The following DNAH6 variants were observed in gnomAD, a reference collection of about 807,000 sequenced individuals.
DNAH6 encodes the protein dynein axonemal heavy chain 6.
In DNAH6, 340 loss-of-function variants were observed where a neutral mutation model predicts 491.4. The observed-to-expected ratio is 0.69, with a 90% CI of 0.63 to 0.76. The LOEUF (loss-of-function observed/expected upper bound fraction) is 0.76, where lower values mean the gene tolerates loss of function less well. DNAH6 is among the 30% of genes least tolerant of loss of function. DNAH6 has a pLI of 0.00. For synonymous variants in DNAH6, 1,603 were observed against 1,686.1 expected, an observed-to-expected ratio of 0.95 and a Z score of 1.21; for missense variants, 4,443 against 4,972.2, an observed-to-expected ratio of 0.89 and a Z score of 3.20.
intron 18 of DNAH6, among the ~76,000 whole-genome samples, chr2:84,604,005 T>G (rs1480061020): frequency 2.6e-5 from 4 of 152,190 alleles, no homozygotes; most frequent in African/African-American, 9.7e-5. Context: ...AGCGCTCTAT[T>G]TTTAAAATTT....
At chr2:84,812,257 C>A in intron 72 of DNAH6, 84 bp from the exon 73 acceptor site, 1 of 1,294,970 alleles carries the variant, frequency 7.7e-7, no homozygotes. Flanking sequence ...CCAGGCAAGG[C>A]AGCCCCTGCT....
chr2:84,783,487 T>C (rs183172582), intron 65 of DNAH6, among the ~76,000 whole-genome samples: 1 of 152,352 alleles, frequency 6.6e-6, no homozygotes, highest in East Asian at 1.9e-4. Flanking sequence ...TGGTTGTTGT[T>C]TGACTTCTTT....
At chr2:84,588,108 T>C (rs1008348367) in intron 15 of DNAH6, among the ~76,000 whole-genome samples, 1 of 152,188 alleles carries the variant, frequency 6.6e-6, no homozygotes, top group Non-Finnish European at 1.5e-5. Flanking sequence ...TCCCTGCATA[T>C]CATGCCAAGT....
intron 64 of DNAH6, among the ~76,000 whole-genome samples, chr2:84,774,587 G>T (rs139026192): frequency 3.2e-3 from 491 of 151,442 alleles, no homozygotes; most frequent in African/African-American, 0.011. Context: ...TAGTTTTGCA[G>T]TGATATGGGT....
chr2:84,781,223 T>A (rs1676662705), intron 64 of DNAH6, among the ~76,000 whole-genome samples: 1 of 152,224 alleles, frequency 6.6e-6, no homozygotes, highest in African/African-American at 2.4e-5. Flanking sequence ...ATGTCTCTAG[T>A]GTATCAGCAC....
chr2:84,710,460 C>T (rs1244517493), intron 56 of DNAH6, 48 bp downstream of exon 56: 1 of 1,539,300 alleles, frequency 6.5e-7, no homozygotes, highest in Middle Eastern at 1.9e-4. Flanking sequence ...ACTTTCAAAT[C>T]ATATCTGGAA....
Position 84,653,440 on chromosome 2 carries a change from A to G in DNAH6, c.5200A>G (p.Arg1734Gly). Residue 1734 changes from arginine (R) to glycine (G), a missense_variant, in exon 34 of 77, where the codon AGA becomes GGA. Coordinates refer to ENST00000389394, the MANE Select transcript of DNAH6 (RefSeq NM_001370.2). Reference sequence around the variant, plus strand: ...TCTTCAGCCTGAGATGTGTATGGTTAGAAAGGTGATACAGTTTTATGAAAC... The same window carrying G: ...TCTTCAGCCTGAGATGTGTATGGTTGGAAAGGTGATACAGTTTTATGAAAC... ...QNLQPEMCMV[R>G]KVIQFYETML... 3 of 1,551,216 alleles carry G rather than the reference A, an allele frequency of 1.9e-6. No individual in the cohort carries two copies. The highest frequency in any genetic ancestry group is 1.7e-4 in the Middle Eastern group (1 of 5,986).
intron 75 of DNAH6, among the ~76,000 whole-genome samples, 159 bp from the exon 76 acceptor site, chr2:84,815,702 C>G (rs1680422303): frequency 6.6e-6 from 1 of 152,162 alleles, no homozygotes; most frequent in African/African-American, 2.4e-5. Flanking sequence ...TTTTGCCTCT[C>G]AGAGCCTCAG....
the DNAH6 span, among the ~76,000 whole-genome samples, chr2:84,463,022 G>A: frequency 6.6e-6 from 1 of 152,318 alleles, no homozygotes; most frequent in East Asian, 1.9e-4. Flanking sequence ...GAGTTACAAG[G>A]AGGCCAGCCA....
intron 64 of DNAH6, among the ~76,000 whole-genome samples, chr2:84,780,673 G>A (rs1029467486): frequency 5.3e-5 from 8 of 152,154 alleles, no homozygotes; most frequent in Non-Finnish European, 1.0e-4. Flanking sequence ...TCTTTTAGAG[G>A]TAAGGAAACA....
chr2:84,590,376 T>C (rs2104117420), intron 16 of DNAH6, among the ~76,000 whole-genome samples: 1 of 151,440 alleles, frequency 6.6e-6, no homozygotes, highest in Non-Finnish European at 1.5e-5. Flanking sequence ...GCGCCTGTAA[T>C]CCCAGCTACT....
rs986615039 is a variant in DNAH6 at position 84,605,192 on chromosome 2, A to G, written c.3082-308A>G. Among the ~76,000 whole-genome samples the G allele has an allele frequency of 4.6e-5, 6 of 131,644 alleles. No individual in the cohort carries two copies. The East Asian group carries it at 1.2e-3, about 26-fold the overall frequency. 86.4% of individuals were successfully genotyped at this position (131,644 alleles called of 152,430 possible). A position where few individuals can be genotyped will look rare whatever the true frequency, so the allele number is the denominator to read the frequency against. On this transcript the variant is annotated intron_variant, in intron 19 of 76. Coordinates refer to ENST00000389394, the MANE Select transcript of DNAH6 (RefSeq NM_001370.2). ...GAAACCCTATCTCTATTAAAAATAC[A>G]AAAAAAAAAAATTAGCCAGGCGTGG... is the stretch of plus-strand genomic sequence containing the variant.
rs369417640 is a variant in DNAH6 at position 84,705,412 on chromosome 2, C to T, written c.8466-74C>T. 1.6e-5 allele frequency: 21 copies of T among 1,303,402 alleles called. No individual in the cohort carries two copies. In the African/African-American group the frequency reaches 3.1e-4, roughly 19 times the overall value. 80.7% of individuals were successfully genotyped at this position (1,303,402 alleles called of 1,614,324 possible). A position where few individuals can be genotyped will look rare whatever the true frequency, so the allele number is the denominator to read the frequency against. ...CTTATTGGGATAATATCATAATGTTCTCAAAGAAATACATTCTTTTGTTCT... is the reference window on the plus strand; with the variant it reads ...CTTATTGGGATAATATCATAATGTTTTCAAAGAAATACATTCTTTTGTTCT... On this transcript the variant is annotated intron_variant, in intron 51 of 76. Coordinates refer to ENST00000389394, the MANE Select transcript of DNAH6 (RefSeq NM_001370.2).
intron 49 of DNAH6, 57 bp from the exon 50 acceptor site, chr2:84,703,338 C>G: frequency 7.9e-7 from 1 of 1,267,616 alleles, no homozygotes; most frequent in Non-Finnish European, 1.1e-6. Context: ...GTGTTCGATA[C>G]CAGTAAACTT....
chr2:84,735,027 G>A (rs534853455), intron 62 of DNAH6, among the ~76,000 whole-genome samples: 5 of 152,170 alleles, frequency 3.3e-5, no homozygotes, highest in African/African-American at 1.2e-4. Flanking sequence ...TCAATAAGCA[G>A]GTTTTCAACC....
At position 84,727,835 on chromosome 2, in the gene DNAH6, G is replaced by A. The variant is rs559229507; in HGVS notation, c.10139G>A (p.Arg3380His). The change falls in exon 61 of 77, where the codon CGT becomes CAT. Residue 3380 changes from arginine (R) to histidine (H), a missense_variant. This residue lies in a region of DNAH6 where 1,463 missense variants were observed against 1,656.6 expected (regional missense o/e 0.88). Coordinates refer to ENST00000389394, the MANE Select transcript of DNAH6 (RefSeq NM_001370.2). ...TTTATGCTTTGTGTTGAGATGATGC[G>A]TCAGCAAGGAACCCTATCTGATGCT... ...YSFMLCVEMM[R>H]QQGTLSDAEW... 2.1e-5 allele frequency: 33 copies of A among 1,552,082 alleles called. No homozygotes were observed. The highest frequency in any genetic ancestry group is 1.4e-4 in the South Asian group (12 of 84,046).
At chr2:84,729,812 C>A (rs76642288) in intron 61 of DNAH6, among the ~76,000 whole-genome samples, 1 of 152,138 alleles carries the variant, frequency 6.6e-6, no homozygotes, top group Non-Finnish European at 1.5e-5. Flanking sequence ...ATGGTCACTT[C>A]ATTTAATATT....
chr2:84,665,850 C>T (rs1692069635), intron 37 of DNAH6, among the ~76,000 whole-genome samples: 2 of 152,156 alleles, frequency 1.3e-5, no homozygotes, highest in South Asian at 4.1e-4. Context: ...CAAAAATCCT[C>T]AATAAAATGC....
intron 63 of DNAH6, among the ~76,000 whole-genome samples, chr2:84,748,848 A>T (rs1473682540): frequency 6.6e-6 from 1 of 152,224 alleles, no homozygotes; most frequent in Admixed American, 6.5e-5. Context: ...TTGGGCTCAC[A>T]GTTCTGCAAG....
Sources: gnomAD v4.1 joint callset for allele counts (sites outside exome capture counted in the v4.1 genomes callset) on GRCh38, gnomAD v4.1.1 for gene constraint, gnomAD v4.1.1 regional missense constraint, MANE v1.5 for transcripts, NCBI Gene and HGNC (gene_info 2026-07-23, HGNC 2026-07-21) for gene names.